Variants in RAB38 observed in about 807,000 individuals in gnomAD.
RAB38 encodes the protein RAB38, member RAS oncogene family.
Under a neutral mutation model 18.4 loss-of-function variants are expected in RAB38, and 15 were observed. That is an observed-to-expected ratio of 0.82 (90% CI 0.55 to 1.26). The LOEUF is 1.26. RAB38 is among the 50% of genes most tolerant of loss of function. The pLI, the probability that RAB38 is intolerant of heterozygous loss-of-function variation, is 0.00. For synonymous variants in RAB38, 101 were observed against 104.4 expected, an observed-to-expected ratio of 0.97 and a Z score of 0.20; for missense variants, 294 against 267.4, an observed-to-expected ratio of 1.10 and a Z score of -0.69.
chr11:87,955,667 CATCT>C, the RAB38 span, among the ~76,000 whole-genome samples: 13 of 141,734 alleles, frequency 9.2e-5, no homozygotes, highest in South Asian at 2.3e-4. Context: ...ATCTATCAAT[CATCT>C]ATCTATCAAT....
chr11:87,817,893 T>G, the RAB38 span, among the ~76,000 whole-genome samples: 2 of 152,148 alleles, frequency 1.3e-5, no homozygotes, highest in Non-Finnish European at 2.9e-5. Flanking sequence ...ATCTTAGTGA[T>G]TAGATGGGCT....
At chr11:88,069,282 C>A in the RAB38 span, among the ~76,000 whole-genome samples, 1 of 152,218 alleles carries the variant, frequency 6.6e-6, no homozygotes, top group South Asian at 2.1e-4. Flanking sequence ...TCAGCCACCT[C>A]CCCACGGGGG....
At chr11:88,163,402 C>A (rs1403443265) in intron 1 of RAB38, among the ~76,000 whole-genome samples, 1 of 152,106 alleles carries the variant, frequency 6.6e-6, no homozygotes, top group Non-Finnish European at 1.5e-5. Context: ...TACTTTTATG[C>A]CTACTGAACT....
chr11:87,944,972 T>C, the RAB38 span, among the ~76,000 whole-genome samples: 2 of 152,206 alleles, frequency 1.3e-5, no homozygotes, highest in South Asian at 4.1e-4. Flanking sequence ...GTTTTCTGTT[T>C]GCATTCTGCT....
At chr11:87,899,289 A>G in the RAB38 span, among the ~76,000 whole-genome samples, 1 of 151,648 alleles carries the variant, frequency 6.6e-6, no homozygotes. Context: ...CTGGAAGGAA[A>G]TGGCTTTCAA....
chr11:87,842,316 T>C, the RAB38 span, among the ~76,000 whole-genome samples: 2 of 151,990 alleles, frequency 1.3e-5, no homozygotes, highest in South Asian at 2.1e-4. Context: ...GACAAAAGGA[T>C]AAAGAAGAAA....
At chr11:88,092,992 T>C in the RAB38 span, among the ~76,000 whole-genome samples, 3 of 152,038 alleles carry the variant, frequency 2.0e-5, no homozygotes, top group East Asian at 5.9e-4. Context: ...TCATATCTGG[T>C]GATGCCTGCT....
At chr11:87,894,238 TAA>T in the RAB38 span, among the ~76,000 whole-genome samples, 1 of 151,486 alleles carries the variant, frequency 6.6e-6, no homozygotes, top group African/African-American at 2.4e-5. Context: ...GCCCCAGAAC[TAA>T]ATAAGAGGGC....
chr11:87,915,995 G>T, the RAB38 span, among the ~76,000 whole-genome samples: 1,429 of 152,158 alleles, frequency 9.4e-3, 10 homozygotes, highest in Non-Finnish European at 0.014. Flanking sequence ...TCTTTTGGAT[G>T]ACTTTTCCCT....
At chr11:88,111,738 G>A (rs1017668915), downstream of RAB38, among the ~76,000 whole-genome samples, 1 of 152,182 alleles carries the variant, frequency 6.6e-6, no homozygotes, top group African/African-American at 2.4e-5. Flanking sequence ...CTGGTCAATA[G>A]AGAACAATCA....
the RAB38 span, among the ~76,000 whole-genome samples, chr11:88,040,038 A>G: frequency 6.6e-6 from 1 of 152,208 alleles, no homozygotes; most frequent in Non-Finnish European, 1.5e-5. Flanking sequence ...AAGCAGTTGC[A>G]GCTGTTTTGA....
the RAB38 span, among the ~76,000 whole-genome samples, chr11:87,873,265 T>C: frequency 2.0e-5 from 3 of 151,630 alleles, no homozygotes; most frequent in Non-Finnish European, 4.4e-5. Flanking sequence ...AGGTATCTAT[T>C]CAGATATTTT....
At chr11:88,080,182 A>G in the RAB38 span, among the ~76,000 whole-genome samples, 2 of 151,812 alleles carry the variant, frequency 1.3e-5, no homozygotes, top group African/African-American at 2.4e-5. Context: ...GTAAAGAGTG[A>G]GCTTCTCAGT....
the RAB38 span, among the ~76,000 whole-genome samples, chr11:87,830,598 C>T: frequency 6.6e-6 from 1 of 151,906 alleles, no homozygotes; most frequent in Non-Finnish European, 1.5e-5. Flanking sequence ...CACAACAACC[C>T]AATGAAGTAA....
the RAB38 span, among the ~76,000 whole-genome samples, chr11:88,031,976 A>C: frequency 6.6e-6 from 1 of 150,922 alleles, no homozygotes; most frequent in African/African-American, 2.4e-5. Context: ...CTGACTTCAA[A>C]CTATACTACA....
At chr11:87,863,755 C>T in the RAB38 span, among the ~76,000 whole-genome samples, 3 of 151,768 alleles carry the variant, frequency 2.0e-5, no homozygotes, top group African/African-American at 7.2e-5. Context: ...AAGTGTATAG[C>T]TCTTAAATCT....
the RAB38 span, among the ~76,000 whole-genome samples, chr11:87,942,199 G>T: frequency 0.13 from 19,793 of 152,146 alleles, 1,577 homozygotes; most frequent in South Asian, 0.31. Context: ...AAATGTAAAA[G>T]AAAATCACCC....
At chr11:88,018,498 A>G in the RAB38 span, among the ~76,000 whole-genome samples, 1 of 152,064 alleles carries the variant, frequency 6.6e-6, no homozygotes, top group Non-Finnish European at 1.5e-5. Context: ...AAACACCTCA[A>G]AAGAGTTTTC....
At chr11:87,827,595 ATGAG>A in the RAB38 span, among the ~76,000 whole-genome samples, 5 of 152,300 alleles carry the variant, frequency 3.3e-5, no homozygotes, top group South Asian at 4.1e-4. Flanking sequence ...AAGAATATTA[ATGAG>A]TGAGAGCCAT....
Sources: allele counts gnomAD v4.1 joint callset (sites outside exome capture counted in the v4.1 genomes callset), GRCh38; gene constraint gnomAD v4.1.1; transcripts MANE v1.5; gene names NCBI Gene and HGNC (gene_info 2026-07-23, HGNC 2026-07-21).